Variants in KIAA0825 observed in about 807,000 individuals in gnomAD.
The protein encoded by KIAA0825 is KIAA0825.
In KIAA0825, 119 loss-of-function variants were observed where a neutral mutation model predicts 147.6. The ratio of observed to expected loss-of-function variants is 0.81; its 90% CI spans 0.69 to 0.94. The LOEUF (loss-of-function observed/expected upper bound fraction) is 0.94, where lower values mean the gene tolerates loss of function less well. Ranked by LOEUF, KIAA0825 falls within the 40% of genes least tolerant of loss-of-function variation. The pLI, the probability that KIAA0825 is intolerant of heterozygous loss-of-function variation, is 0.00. For missense variants in KIAA0825, 1,381 were observed against 1,472.7 expected (o/e 0.94, Z 1.02); for synonymous variants, 470 against 518.1 (o/e 0.91, Z 1.26).
chr5:94,521,012 T>C, intron 4 of KIAA0825, 95 bp from the exon 5 acceptor site: 2 of 1,057,828 alleles, frequency 1.9e-6, no homozygotes, highest in Admixed American at 3.0e-5. Flanking sequence ...CAGGTTGAAA[T>C]CAATACTCTA....
intron 5 of KIAA0825, among the ~76,000 whole-genome samples, chr5:94,511,417 T>C (rs1441922101): frequency 2.0e-5 from 3 of 152,114 alleles, no homozygotes; most frequent in Non-Finnish European, 4.4e-5. Flanking sequence ...GGTCAGGAGT[T>C]CCAGACCAGC....
intron 20 of KIAA0825, among the ~76,000 whole-genome samples, chr5:94,181,146 A>G (rs1446120657): frequency 1.3e-5 from 2 of 152,228 alleles, no homozygotes; most frequent in Non-Finnish European, 2.9e-5. Context: ...CAAAATGTCT[A>G]CATTTTTGAA....
chr5:94,587,957 T>G (rs1783622608), intron 1 of KIAA0825, among the ~76,000 whole-genome samples: 1 of 152,196 alleles, frequency 6.6e-6, no homozygotes, highest in Non-Finnish European at 1.5e-5. Context: ...GATTCCCTAT[T>G]TAATAAATGG....
At chr5:94,466,245 C>A (rs1156342719) in intron 10 of KIAA0825, among the ~76,000 whole-genome samples, 13 of 152,010 alleles carry the variant, frequency 8.6e-5, no homozygotes, top group Admixed American at 7.9e-4. Context: ...TTACTAATAT[C>A]TTCTGCAGCC....
chr5:94,467,860 G>C (rs1488576480), intron 10 of KIAA0825, among the ~76,000 whole-genome samples: 12 of 152,178 alleles, frequency 7.9e-5, no homozygotes, highest in Admixed American at 7.9e-4. Context: ...GAATAATGGG[G>C]AGAGCAGAAG....
chr5:94,315,990 T>G (rs1466729514), intron 20 of KIAA0825, among the ~76,000 whole-genome samples: 1 of 151,744 alleles, frequency 6.6e-6, no homozygotes, highest in East Asian at 1.9e-4. Context: ...AATAATAAAA[T>G]CAAGCAAATC....
At chr5:94,307,433 T>C (rs976236260) in intron 20 of KIAA0825, among the ~76,000 whole-genome samples, 2 of 151,726 alleles carry the variant, frequency 1.3e-5, no homozygotes, top group Non-Finnish European at 2.9e-5. Flanking sequence ...ACCCTGTCAC[T>C]GTGCTCAAAG....
At chr5:94,462,352 A>G (rs778740259) in intron 12 of KIAA0825, 35 bp downstream of exon 12, 1 of 1,089,086 alleles carries the variant, frequency 9.2e-7, no homozygotes, top group South Asian at 1.9e-5. Context: ...ACGTTATATC[A>G]TAATAGCTAA....
chr5:94,518,536 T>C (rs568585488), intron 5 of KIAA0825, among the ~76,000 whole-genome samples: 1 of 152,140 alleles, frequency 6.6e-6, no homozygotes, highest in African/African-American at 2.4e-5. Context: ...AATAGAAAGA[T>C]CTGCATATGA....
At chr5:94,290,289 C>T (rs551951631) in intron 20 of KIAA0825, among the ~76,000 whole-genome samples, 1 of 152,242 alleles carries the variant, frequency 6.6e-6, no homozygotes, top group East Asian at 1.9e-4. Flanking sequence ...CCCCTAGCCC[C>T]CCACCACCCA....
intron 20 of KIAA0825, among the ~76,000 whole-genome samples, chr5:94,227,710 A>T (rs1449181746): frequency 6.6e-6 from 1 of 151,794 alleles, no homozygotes; most frequent in Non-Finnish European, 1.5e-5. Context: ...TTCTCTGCAA[A>T]CTGTCACAAG....
chr5:94,280,881 C>T (rs979577592), intron 20 of KIAA0825, among the ~76,000 whole-genome samples: 3 of 152,086 alleles, frequency 2.0e-5, no homozygotes, highest in Admixed American at 6.6e-5. Context: ...AACTCCAGGA[C>T]ATGAGAAACC....
At chr5:94,273,685 T>C (rs1777091018) in intron 20 of KIAA0825, among the ~76,000 whole-genome samples, 1 of 152,134 alleles carries the variant, frequency 6.6e-6, no homozygotes, top group Non-Finnish European at 1.5e-5. Context: ...GTGATTGGGG[T>C]TTAAATCTCT....
At chr5:94,549,124 G>T (rs1433516269) in intron 2 of KIAA0825, among the ~76,000 whole-genome samples, 1 of 152,094 alleles carries the variant, frequency 6.6e-6, no homozygotes, top group East Asian at 1.9e-4. Flanking sequence ...AATGGCTGAA[G>T]AATACATTTT....
chr5:94,190,271 T>A (rs960327916), intron 20 of KIAA0825, among the ~76,000 whole-genome samples: 4 of 152,186 alleles, frequency 2.6e-5, no homozygotes, highest in Non-Finnish European at 5.9e-5. Context: ...TTCTGTTTTC[T>A]TTGCTTGTCT....
At chr5:94,504,759 T>G (rs920568969) in intron 5 of KIAA0825, among the ~76,000 whole-genome samples, 16 of 149,742 alleles carry the variant, frequency 1.1e-4, no homozygotes, top group African/African-American at 3.9e-4. Flanking sequence ...TTTTTTTTTT[T>G]TTTTTTGAGA....
chr5:94,450,060 A>G (rs1306151946), intron 13 of KIAA0825, among the ~76,000 whole-genome samples: 2 of 152,112 alleles, frequency 1.3e-5, no homozygotes, highest in Non-Finnish European at 2.9e-5. Context: ...AGCCTGGGTG[A>G]CAGAGTGAAA....
intron 20 of KIAA0825, among the ~76,000 whole-genome samples, chr5:94,253,772 C>G (rs1776099255): frequency 6.6e-6 from 1 of 152,118 alleles, no homozygotes; most frequent in South Asian, 2.1e-4. Flanking sequence ...AATGGTCCCG[C>G]CTAATATCAG....
At chr5:94,508,182 T>G (rs1765995681) in intron 5 of KIAA0825, among the ~76,000 whole-genome samples, 1 of 152,078 alleles carries the variant, frequency 6.6e-6, no homozygotes. Context: ...TACTGCTGGA[T>G]ATAATCACTA....
Sources: allele counts gnomAD v4.1 joint callset (sites outside exome capture counted in the v4.1 genomes callset), GRCh38; gene constraint gnomAD v4.1.1; transcripts MANE v1.5; gene names NCBI Gene and HGNC (gene_info 2026-07-23, HGNC 2026-07-21).